The following CNBD1 variants were observed in gnomAD, a reference collection of about 807,000 sequenced individuals.
CNBD1 encodes cyclic nucleotide-binding domain-containing protein 1.
CNBD1 carries 71 observed loss-of-function variants against 54.4 expected under a neutral mutation model. That is an observed-to-expected ratio of 1.30 (90% CI 1.08 to 1.59). The LOEUF (loss-of-function observed/expected upper bound fraction) is 1.59. Among genes scored for constraint, CNBD1 ranks in the 40% most tolerant of loss-of-function variants. The pLI is 0.00. For missense variants in CNBD1, 659 were observed against 518.0 expected, an observed-to-expected ratio of 1.27 and a Z score of -2.64; for synonymous variants, 182 against 170.7, an observed-to-expected ratio of 1.07 and a Z score of -0.51.
At chr8:87,355,774 T>C (rs1050241016) in intron 10 of CNBD1, among the ~76,000 whole-genome samples, 1 of 152,138 alleles carries the variant, frequency 6.6e-6, no homozygotes, top group Non-Finnish European at 1.5e-5. Flanking sequence ...ATTTCAATTA[T>C]GTTTTATGTC....
At position 86,925,300 on chromosome 8, in the gene CNBD1, T is replaced by C. The variant is rs190752696; in HGVS notation, c.273-14296T>C. Among the ~76,000 whole-genome samples, 113 of 152,286 alleles carry C rather than the reference T, an allele frequency of 7.4e-4. 1 individual carries two copies. In the South Asian group the frequency reaches 0.017, roughly 23 times the overall value. ...TGATAATTAAGCTAAGCTTAACAGATGGAGTTAACTTAGTGTACTTAGTGT... is the reference window on the plus strand; with the variant it reads ...TGATAATTAAGCTAAGCTTAACAGACGGAGTTAACTTAGTGTACTTAGTGT... On this transcript the variant is annotated intron_variant, in intron 3 of 10. Transcript: ENST00000518476.
chr8:86,980,508 G>T (rs950938766), intron 4 of CNBD1, among the ~76,000 whole-genome samples: 9 of 152,206 alleles, frequency 5.9e-5, no homozygotes, highest in African/African-American at 2.2e-4. Context: ...CACCAACTCA[G>T]GTGAATACAC....
At chr8:87,322,973 AT>A (rs1199137719) in intron 8 of CNBD1, among the ~76,000 whole-genome samples, 1 of 70,888 alleles carries the variant, frequency 1.4e-5, no homozygotes, top group African/African-American at 5.9e-5. Flanking sequence ...TCTTGAATTG[AT>A]TTTTGTATAA....
At position 87,171,072 on chromosome 8, in the gene CNBD1, A is replaced by G. The variant is rs112921056; in HGVS notation, c.432-34921A>G. 3.1e-3 allele frequency among the ~76,000 whole-genome samples: 466 copies of G among 152,152 alleles called. 4 individuals are homozygous for G. The highest frequency in any genetic ancestry group is 0.01 in the African/African-American group (433 of 41,506). On this transcript the variant is annotated intron_variant, in intron 4 of 10. Transcript: ENST00000518476. ...TATTCCATCCTCCTCTATTTTTTGTAATAGTTTGAGTAGGATTGGTATTAG... is the reference window on the plus strand; with the variant it reads ...TATTCCATCCTCCTCTATTTTTTGTGATAGTTTGAGTAGGATTGGTATTAG...
intron 3 of CNBD1, among the ~76,000 whole-genome samples, chr8:86,920,036 C>G (rs1457497196): frequency 2.0e-5 from 3 of 151,838 alleles, no homozygotes; most frequent in Non-Finnish European, 4.4e-5. Flanking sequence ...CAAACTGTAA[C>G]TTTTCTATTG....
At chr8:87,361,810 T>C (rs1048129275) in intron 10 of CNBD1, among the ~76,000 whole-genome samples, 6 of 151,478 alleles carry the variant, frequency 4.0e-5, no homozygotes, top group Admixed American at 3.3e-4. Flanking sequence ...GGGGTAGAAT[T>C]TGAAATATAA....
At position 86,887,522 on chromosome 8, in the gene CNBD1, T is replaced by C. The variant is rs755837997; in HGVS notation, c.89-20T>C. 10 of 1,496,546 alleles carry C rather than the reference T, an allele frequency of 6.7e-6. No individual in the cohort carries two copies. The African/African-American group carries it at 9.8e-5, about 15-fold the overall frequency. The allele number at this position is 1,496,546 out of a possible 1,614,324, so 92.7% of individuals were successfully genotyped here. A position where few individuals can be genotyped will look rare whatever the true frequency, so the allele number is the denominator to read the frequency against. ...AAGATTATGGAAAATTACTCAAATT[T>C]TTAATTGATTTTTTTTCAGACTTGA... On this transcript the variant is annotated intron_variant, in intron 1 of 10. Transcript: ENST00000518476.
chr8:87,303,684 T>C (rs1169473192), intron 8 of CNBD1, among the ~76,000 whole-genome samples: 2 of 150,206 alleles, frequency 1.3e-5, no homozygotes, highest in African/African-American at 5.0e-5. Context: ...GAAACTACCA[T>C]CAGAGTGAAC....
Position 87,346,549 on chromosome 8 carries a change from G to C in CNBD1, c.1043-5136G>C, listed in dbSNP as rs145869261. Among the ~76,000 whole-genome samples, 5 of 151,596 alleles carry C rather than the reference G, an allele frequency of 3.3e-5. No individual in the cohort carries two copies. The East Asian group carries it at 9.7e-4, about 29-fold the overall frequency. On this transcript the variant is annotated intron_variant, in intron 8 of 10. Transcript: ENST00000518476. ...TCATCATTGTGATGTCTCTATCTATGTGTATATTCGCTACACATAGAAAGT... is the reference window on the plus strand; with the variant it reads ...TCATCATTGTGATGTCTCTATCTATCTGTATATTCGCTACACATAGAAAGT...
At chr8:87,330,247 G>A (rs1306463199) in intron 8 of CNBD1, among the ~76,000 whole-genome samples, 1 of 78,986 alleles carries the variant, frequency 1.3e-5, no homozygotes, top group African/African-American at 5.0e-5. Context: ...TTTTTTTTCA[G>A]TTAGCCTGGT....
At chr8:87,279,475 C>G (rs937460566) in intron 6 of CNBD1, among the ~76,000 whole-genome samples, 25 of 151,044 alleles carry the variant, frequency 1.7e-4, no homozygotes, top group African/African-American at 5.8e-4. Flanking sequence ...AAAGCAATAC[C>G]CTGTATGATT....
intron 2 of CNBD1, among the ~76,000 whole-genome samples, chr8:87,388,217 T>G (rs1303754861): frequency 2.6e-5 from 4 of 151,870 alleles, no homozygotes; most frequent in African/African-American, 9.7e-5. Flanking sequence ...AGAAAACACA[T>G]TCAAAAGGTA....
intron 5 of CNBD1, among the ~76,000 whole-genome samples, chr8:87,214,651 AAAAG>A (rs1191721698): frequency 1.3e-5 from 2 of 152,202 alleles, no homozygotes; most frequent in Non-Finnish European, 2.9e-5. Flanking sequence ...GGTAATTTAT[AAAAG>A]AAAGAGATTT....
At chr8:87,338,116 A>T (rs927444303) in intron 8 of CNBD1, among the ~76,000 whole-genome samples, 1 of 152,164 alleles carries the variant, frequency 6.6e-6, no homozygotes, top group Non-Finnish European at 1.5e-5. Flanking sequence ...ACCTAATCTG[A>T]TTCTAATTTC....
At chr8:87,283,649 A>G (rs997802640) in intron 6 of CNBD1, among the ~76,000 whole-genome samples, 2 of 152,098 alleles carry the variant, frequency 1.3e-5, no homozygotes, top group Non-Finnish European at 2.9e-5. Flanking sequence ...ATGGCTAGAT[A>G]GCCAGCTTCT....
chr8:87,099,065 A>AAAAAAAAAAAC (rs978372704), intron 4 of CNBD1, among the ~76,000 whole-genome samples: 7 of 144,064 alleles, frequency 4.9e-5, no homozygotes, highest in African/African-American at 1.9e-4. Context: ...AAAAAACAAA[A>AAAAAAAAAAAC]CTCCAAATTT....
chr8:87,119,219 C>T (rs1356803440), intron 4 of CNBD1, among the ~76,000 whole-genome samples: 1 of 151,930 alleles, frequency 6.6e-6, no homozygotes, highest in Non-Finnish European at 1.5e-5. Flanking sequence ...CCATGACCAT[C>T]GGATGTTTTT....
intron 8 of CNBD1, among the ~76,000 whole-genome samples, chr8:87,341,228 G>T (rs180968035): frequency 1.3e-5 from 2 of 152,102 alleles, no homozygotes; most frequent in East Asian, 3.9e-4. Context: ...TGGTCCTCTG[G>T]AGAAGCAGAA....
intron 4 of CNBD1, among the ~76,000 whole-genome samples, chr8:87,150,957 C>T (rs570239996): frequency 6.6e-6 from 1 of 152,208 alleles, no homozygotes; most frequent in South Asian, 2.1e-4. Context: ...AAAATAAATG[C>T]TTTAGGAAAA....
Sources: gnomAD v4.1 joint callset for allele counts (sites outside exome capture counted in the v4.1 genomes callset) on GRCh38, gnomAD v4.1.1 for gene constraint, MANE v1.5 for transcripts, NCBI Gene and HGNC (gene_info 2026-07-23, HGNC 2026-07-21) for gene names.